The following ZSCAN20 variants were observed in gnomAD, a reference collection of about 807,000 sequenced individuals.
The protein encoded by ZSCAN20 is zinc finger and SCAN domain containing 20.
ZSCAN20 carries 39 observed loss-of-function variants against 97.1 expected under a neutral mutation model. The ratio of observed to expected loss-of-function variants is 0.40; its 90% confidence interval spans 0.31 to 0.52. The LOEUF is 0.52. Ranked by LOEUF, ZSCAN20 falls within the 20% of genes least tolerant of loss-of-function variation. The pLI, the probability that ZSCAN20 is intolerant of heterozygous loss-of-function variation, is 0.49. For synonymous variants in ZSCAN20, 456 were observed against 467.3 expected, an observed-to-expected ratio of 0.98 and a Z score of 0.31; for missense variants, 1,115 against 1,290.4, an observed-to-expected ratio of 0.86 and a Z score of 2.08.
At chr1:33,485,115 C>T (rs1215404812) in intron 2 of ZSCAN20, among the ~76,000 whole-genome samples, 1 of 152,106 alleles carries the variant, frequency 6.6e-6, no homozygotes, top group African/African-American at 2.4e-5. Flanking sequence ...TAGAATTCAC[C>T]AGTGGACCCA....
chr1:33,486,899 G>A (rs1221673258), intron 2 of ZSCAN20, among the ~76,000 whole-genome samples: 1 of 152,016 alleles, frequency 6.6e-6, no homozygotes, highest in African/African-American at 2.4e-5. Context: ...TCTTCTCAAT[G>A]GTAAAAATCC....
At position 33,497,880 on chromosome 1, in the gene ZSCAN20, G is replaced by T. The variant is rs962540076; in HGVS notation, c.*2404G>T. On this transcript the variant is annotated 3_prime_UTR_variant, in exon 8 of 8. Transcript: ENST00000684572. ...GGGCAGAAGATGAGAAGTTTAGTTT[G>T]GTATGTCTAGAACTTGAGGTGCTTA... Among the ~76,000 whole-genome samples the T allele has an allele frequency of 1.3e-5, 2 of 152,088 alleles. No individual in the cohort carries two copies. Among genetic ancestry groups the T allele is most frequent in the Non-Finnish European group, 2.9e-5 (2 of 68,032 alleles).
rs1189158991 is a variant in ZSCAN20, at chr1:33,495,131, G to C, written c.2787G>C (p.Lys929Asn). The C allele has an allele frequency of 6.2e-7, 1 of 1,613,690 alleles. No homozygotes were observed. Among genetic ancestry groups the C allele is most frequent in the African/African-American group, 1.3e-5 (1 of 74,910 alleles). ...ANHQRTHTGEKPYKCVDCGKC... is the reference protein window; with the variant it reads ...ANHQRTHTGENPYKCVDCGKC... ...ACCAGCGCACCCACACTGGAGAGAA[G>C]CCGTATAAATGTGTGGACTGTGGGA... Residue 929 changes from lysine (K) to asparagine (N), a missense_variant, in exon 8 of 8, where the codon AAG (lysine) becomes AAC (asparagine). Lys to Asn is a moderately conservative substitution (Grantham distance 94, BLOSUM62 0). Transcript: ENST00000684572.
At chr1:33,475,049 A>G (rs909695605) in intron 1 of ZSCAN20, among the ~76,000 whole-genome samples, 1 of 152,238 alleles carries the variant, frequency 6.6e-6, no homozygotes, top group Non-Finnish European at 1.5e-5. Flanking sequence ...GATTAGTGGC[A>G]GGAGTGGAAC....
At chr1:33,489,455 G>C in intron 4 of ZSCAN20, 63 bp from the exon 5 acceptor site, 1 of 1,531,008 alleles carries the variant, frequency 6.5e-7, no homozygotes. Context: ...GAGCCTGCTA[G>C]GGTTCCTAGG....
chr1:33,490,474 TGCTCCA>T (rs1652552303), intron 5 of ZSCAN20, among the ~76,000 whole-genome samples: 1 of 152,180 alleles, frequency 6.6e-6, no homozygotes, highest in Non-Finnish European at 1.5e-5. Context: ...GAGGAGGACA[TGCTCCA>T]GCCACAGTAC....
chr1:33,481,358 G>T (rs1652151191), intron 2 of ZSCAN20, among the ~76,000 whole-genome samples: 2 of 152,312 alleles, frequency 1.3e-5, no homozygotes, highest in Middle Eastern at 3.4e-3. Context: ...AAATGAGAGG[G>T]TTGGATTAGA....
chr1:33,477,231 C>T (rs886536622), intron 1 of ZSCAN20, among the ~76,000 whole-genome samples: 4 of 152,122 alleles, frequency 2.6e-5, no homozygotes, highest in African/African-American at 9.7e-5. Context: ...GCCAGGTAGC[C>T]ATGAGTTGTG....
rs1473305058 is a variant in ZSCAN20 at position 33,495,498 on chromosome 1, AAGG to A, written c.*27_*29del. 1 of 1,496,606 alleles carries A rather than the reference AAGG, an allele frequency of 6.7e-7. No homozygotes were observed. The highest frequency in any genetic ancestry group is 2.3e-5 in the Admixed American group (1 of 44,274). The allele number at this position is 1,496,606 out of a possible 1,614,324, so 92.7% of individuals were successfully genotyped here. ...GTAGGGGACAGTTTCCTCAACAACAAAGGAGGACTCAATGTATATATCTTATAT... is the reference window on the plus strand; with the variant it reads ...GTAGGGGACAGTTTCCTCAACAACAAAGGACTCAATGTATATATCTTATAT... On this transcript the variant is annotated 3_prime_UTR_variant, in exon 8 of 8. Transcript: ENST00000684572.
rs1248228166 is a variant in ZSCAN20, at chr1:33,496,879, T to C, written c.*1403T>C. 6.6e-6 allele frequency among the ~76,000 whole-genome samples: 1 copy of C among 152,208 alleles called. No homozygotes were observed. The highest frequency in any genetic ancestry group is 2.4e-5 in the African/African-American group (1 of 41,448). ...TGACCCTTAAGACTCACCTCCCACA[T>C]GGACAGGCTAAGTTAGAAAGGTTCA... On this transcript the variant is annotated 3_prime_UTR_variant, in exon 8 of 8. Coordinates refer to ENST00000684572, the MANE Select transcript of ZSCAN20 (RefSeq NM_001377376.1).
chr1:33,491,843 A>G lies in ZSCAN20; in HGVS notation c.1444+141A>G. 1 of 786,740 alleles carries G rather than the reference A, an allele frequency of 1.3e-6. No individual in the cohort carries two copies. The highest frequency in any genetic ancestry group is 1.9e-6 in the Non-Finnish European group (1 of 533,642). The allele number at this position is 786,740 out of a possible 1,614,324, so 48.7% of individuals were successfully genotyped here. On this transcript the variant is annotated intron_variant, in intron 6 of 7. Transcript: ENST00000684572. This position sits in a 1 kb window ranked among gnomAD's most constrained non-coding sequence, Gnocchi z 4.3. ...GAGCTACATTCCTTAGGTCATCCTCAAACTCCAACTTTCTTTTCCCATGAC... is the reference window on the plus strand; with the variant it reads ...GAGCTACATTCCTTAGGTCATCCTCGAACTCCAACTTTCTTTTCCCATGAC...
Position 33,500,661 on chromosome 1 carries a change from CA to C in ZSCAN20, c.*5186del, listed in dbSNP as rs1241553776. ...ATTACATGATACTTATTTCTAAAGTCACTTTTTTTTTTTTTTTTACATTTTC... is the reference window on the plus strand; with the variant it reads ...ATTACATGATACTTATTTCTAAAGTCCTTTTTTTTTTTTTTTTACATTTTC... On this transcript the variant is annotated 3_prime_UTR_variant, in exon 8 of 8. Transcript: ENST00000684572. 5.7e-5 allele frequency among the ~76,000 whole-genome samples: 6 copies of C among 105,962 alleles called. No individual in the cohort carries two copies. Among genetic ancestry groups the C allele is most frequent in the Non-Finnish European group, 1.2e-4 (6 of 51,182 alleles). 69.5% of individuals were successfully genotyped at this position (105,962 alleles called of 152,430 possible). A position where few individuals can be genotyped will look rare whatever the true frequency, so the allele number is the denominator to read the frequency against.
In ZSCAN20 at chr1:33,497,041, C is replaced by T. The variant is rs1335120722; in HGVS notation, c.*1565C>T. ...CCCCTCCTGCCATCCTCTTATGACA[C>T]TAGGATGTATTCATAACCTGCTTGG... On this transcript the variant is annotated 3_prime_UTR_variant, in exon 8 of 8. Transcript: ENST00000684572. Among the ~76,000 whole-genome samples the T allele has an allele frequency of 6.6e-6, 1 of 152,172 alleles. No individual in the cohort carries two copies. Among genetic ancestry groups the T allele is most frequent in the Non-Finnish European group, 1.5e-5 (1 of 68,044 alleles).
In ZSCAN20 at chr1:33,495,699, A is replaced by T. The variant is rs1035385636; in HGVS notation, c.*223A>T. ...TTTCTTCTGTAAAGACCCACACAGA[A>T]TCCTGACTGTCCTTGTATTTGCTAT... On this transcript the variant is annotated 3_prime_UTR_variant, in exon 8 of 8. Transcript: ENST00000684572. 7.8e-6 allele frequency: 3 copies of T among 382,944 alleles called. No individual in the cohort carries two copies. Among genetic ancestry groups the T allele is most frequent in the African/African-American group, 6.1e-5 (3 of 49,206 alleles). The allele number at this position is 382,944 out of a possible 1,614,324, so 23.7% of individuals were successfully genotyped here. A position where few individuals can be genotyped will look rare whatever the true frequency, so the allele number is the denominator to read the frequency against.
chr1:33,493,052 G>T lies in ZSCAN20; in HGVS notation c.1445-135G>T. On this transcript the variant is annotated intron_variant, in intron 6 of 7. Coordinates refer to ENST00000684572, the MANE Select transcript of ZSCAN20 (RefSeq NM_001377376.1). The surrounding 1 kb of genome is among the most constrained non-coding windows in gnomAD (Gnocchi z 4.3). ...CTAGCATGCCCCTGAGAAGCAAAGG[G>T]ATATTCTCCAGGTACCTGGATAGTT... 1 of 898,364 alleles carries T rather than the reference G, an allele frequency of 1.1e-6. No homozygotes were observed. The highest frequency in any genetic ancestry group is 1.8e-5 in the South Asian group (1 of 56,570). The allele number at this position is 898,364 out of a possible 1,614,324, so 55.6% of individuals were successfully genotyped here. A position where few individuals can be genotyped will look rare whatever the true frequency, so the allele number is the denominator to read the frequency against.
Position 33,491,517 on chromosome 1 carries a change from G to T in ZSCAN20, c.1259G>T (p.Gly420Val). Residue 420 changes from glycine to valine, a missense_variant, in exon 6 of 8, where the codon GGC (glycine) becomes GTC (valine). Gly to Val is a moderately radical substitution (Grantham distance 109). Around this residue, in one of 3 missense-constraint regions of ZSCAN20, gnomAD observed 508 missense variants for 611.2 expected, o/e 0.83. Coordinates refer to ENST00000684572, the MANE Select transcript of ZSCAN20 (RefSeq NM_001377376.1). This position sits in a 1 kb window ranked among gnomAD's most constrained non-coding sequence, Gnocchi z 4.3. ...CGGACAGCCATCAGAGCCACAGATG[G>T]CCCAGGAGAGGCCGTGGCACTTCCC... ...RARTAIRATD[G>V]PGEAVALPRL... 1 of 1,614,064 alleles carries T rather than the reference G, an allele frequency of 6.2e-7. No individual in the cohort carries two copies. Among genetic ancestry groups the T allele is most frequent in the Non-Finnish European group, 8.5e-7 (1 of 1,179,948 alleles).
chr1:33,472,826 G>C (rs1294713009), intron 1 of ZSCAN20, 135 bp downstream of exon 1: 1 of 152,160 alleles, frequency 6.6e-6, no homozygotes, highest in Non-Finnish European at 1.5e-5. Flanking sequence ...GGAGGGTGAG[G>C]GACGGTCAAA....
intron 1 of ZSCAN20, among the ~76,000 whole-genome samples, chr1:33,476,217 T>G (rs946420427): frequency 2.6e-5 from 4 of 152,228 alleles, no homozygotes; most frequent in African/African-American, 9.6e-5. Flanking sequence ...CCTTGTTCAC[T>G]TCTGTGTGAA....
chr1:33,498,963 G>A lies in ZSCAN20; in HGVS notation c.*3487G>A, dbSNP rs1652967470. On this transcript the variant is annotated 3_prime_UTR_variant, in exon 8 of 8. Transcript: ENST00000684572. ...TTTTTCTAAGGCCTTGACCTCAGCA[G>A]CTGAACTCATGGTCATGGCTGCCTT... 6.6e-6 allele frequency among the ~76,000 whole-genome samples: 1 copy of A among 152,212 alleles called. No homozygotes were observed. Among genetic ancestry groups the A allele is most frequent in the Admixed American group, 6.5e-5 (1 of 15,286 alleles).
Sources: gnomAD v4.1 joint callset for allele counts (sites outside exome capture counted in the v4.1 genomes callset) on GRCh38, gnomAD v4.1.1 for gene constraint, gnomAD v4.1.1 regional missense constraint, Gnocchi (gnomAD v3.1) non-coding constraint, MANE v1.5 for transcripts, NCBI Gene and HGNC (gene_info 2026-07-23, HGNC 2026-07-21) for gene names.